The following FSHR variants were observed in gnomAD, a reference collection of about 807,000 sequenced individuals.
FSHR encodes follicle-stimulating hormone receptor.
A neutral mutation model predicts 52.1 loss-of-function variants in FSHR; 46 were observed. That is an observed-to-expected ratio of 0.88 (90% CI 0.70 to 1.13). The LOEUF is 1.13. Among genes scored for constraint, FSHR ranks in the 50% most tolerant of loss-of-function variants. The pLI is 0.00. For missense variants in FSHR, 964 were observed against 834.6 expected (o/e 1.16, Z -1.91); for synonymous variants, 399 against 309.6 (o/e 1.29, Z -3.03).
intron 2 of FSHR, among the ~76,000 whole-genome samples, chr2:49,065,494 G>C (rs1572698874): frequency 6.6e-6 from 1 of 152,068 alleles, no homozygotes; most frequent in South Asian, 2.1e-4. Flanking sequence ...GATTTTCCTT[G>C]TTTGGGAACC....
intron 2 of FSHR, among the ~76,000 whole-genome samples, chr2:49,021,831 T>TTCTCTCTCTCTCTCTC (rs1553334822): frequency 6.5e-5 from 3 of 46,506 alleles, no homozygotes; most frequent in African/African-American, 1.8e-4. Flanking sequence ...GGGTATGTGT[T>TTCTCTCTCTCTCTCTC]TCTCTCTCTC....
intron 1 of FSHR, among the ~76,000 whole-genome samples, chr2:49,085,968 G>C (rs75668303): frequency 0.14 from 21,068 of 151,040 alleles, 1,552 homozygotes; most frequent in East Asian, 0.2. Flanking sequence ...CTGTTGTGGG[G>C]GGGGGGAGTG....
chr2:48,980,546 T>C lies in FSHR; in HGVS notation c.668+2366A>G, dbSNP rs1675200596. 3.9e-5 allele frequency among the ~76,000 whole-genome samples: 6 copies of C among 152,182 alleles called. No homozygotes were observed. In the South Asian group the frequency reaches 1.2e-3, roughly 32 times the overall value. The stretch of plus-strand genomic sequence containing the variant: ...TCTGCTTGTGCAACCTCAGGAGATG[T>C]TCTTCTGTGCCACGTTTATCTAACA... On this transcript the variant is annotated intron_variant, in intron 8 of 9. Transcript: ENST00000406846.
intron 1 of FSHR, among the ~76,000 whole-genome samples, chr2:49,093,174 G>C (rs746336717): frequency 1.3e-5 from 2 of 152,128 alleles, no homozygotes; most frequent in Non-Finnish European, 2.9e-5. Context: ...AGTAATGCCG[G>C]CTTTGTAACA....
In FSHR at chr2:49,064,418, C is replaced by T. The variant is rs80221612; in HGVS notation, c.224+3801G>A. Reference sequence around the variant, plus strand: ...CTTTTGGGAGTGGGTTCTCTCTCTTCTCCTCTTCTGCCACGTAGGGACATG... The same window carrying T: ...CTTTTGGGAGTGGGTTCTCTCTCTTTTCCTCTTCTGCCACGTAGGGACATG... On this transcript the variant is annotated intron_variant, in intron 2 of 9. Transcript: ENST00000406846. Among the ~76,000 whole-genome samples the T allele has an allele frequency of 3.5e-3, 529 of 152,176 alleles. 13 individuals are homozygous for T. The East Asian group carries it at 0.059, about 17-fold the overall frequency.
chr2:49,111,909 G>T (rs1457884122), intron 1 of FSHR, among the ~76,000 whole-genome samples: 1 of 152,076 alleles, frequency 6.6e-6, no homozygotes, highest in Non-Finnish European at 1.5e-5. Flanking sequence ...TCATCCCATG[G>T]GATTCTCACA....
intron 9 of FSHR, among the ~76,000 whole-genome samples, chr2:48,965,241 C>G (rs994762902): frequency 6.6e-5 from 10 of 152,152 alleles, no homozygotes; most frequent in Non-Finnish European, 1.0e-4. Flanking sequence ...TATACAGGGA[C>G]TGAACCTTGC....
chr2:49,037,903 C>G (rs780487486), intron 2 of FSHR, among the ~76,000 whole-genome samples: 1 of 152,034 alleles, frequency 6.6e-6, no homozygotes, highest in Non-Finnish European at 1.5e-5. Context: ...TGAGGAAAGG[C>G]TGCCTCAGTT....
At chr2:49,099,448 A>G (rs539983740) in intron 1 of FSHR, among the ~76,000 whole-genome samples, 1 of 152,166 alleles carries the variant, frequency 6.6e-6, no homozygotes, top group South Asian at 2.1e-4. Flanking sequence ...TTTATAAATT[A>G]CCCAGTCTCA....
chr2:48,980,194 T>C (rs768355293), intron 8 of FSHR, among the ~76,000 whole-genome samples: 7 of 152,226 alleles, frequency 4.6e-5, no homozygotes, highest in South Asian at 2.1e-4. Flanking sequence ...AATTATAGGC[T>C]GGGCTTCCAG....
intron 2 of FSHR, among the ~76,000 whole-genome samples, chr2:49,046,034 G>T (rs772997872): frequency 6.6e-6 from 1 of 152,104 alleles, no homozygotes; most frequent in Non-Finnish European, 1.5e-5. Context: ...TCACCTACAT[G>T]ACTTCTTAGA....
intron 4 of FSHR, among the ~76,000 whole-genome samples, chr2:49,001,388 G>T (rs1666877057): frequency 1.3e-5 from 2 of 152,116 alleles, no homozygotes; most frequent in Non-Finnish European, 2.9e-5. Flanking sequence ...TGGTGATGTT[G>T]CTTCCATCAT....
In FSHR at chr2:49,041,601, A is replaced by G. The variant is rs146249093; in HGVS notation, c.225-21441T>C. Among the ~76,000 whole-genome samples the G allele has an allele frequency of 3.5e-3, 535 of 152,178 alleles. 3 individuals are homozygous for G. The highest frequency in any genetic ancestry group is 4.5e-3 in the Non-Finnish European group (309 of 68,002). On this transcript the variant is annotated intron_variant, in intron 2 of 9. Coordinates refer to ENST00000406846, the MANE Select transcript of FSHR (RefSeq NM_000145.4). ...GAGGATTTTATTTTACTATTTCTAG[A>G]TTATTCTGAGGAAGGCCCAAGATAG...
chr2:49,113,252 T>G (rs1330821765), intron 1 of FSHR, among the ~76,000 whole-genome samples: 1 of 152,162 alleles, frequency 6.6e-6, no homozygotes, highest in Non-Finnish European at 1.5e-5. Flanking sequence ...TTTAACACAT[T>G]GCTTATCTCA....
chr2:48,979,435 CA>C (rs1292374358), intron 8 of FSHR, among the ~76,000 whole-genome samples: 1 of 151,882 alleles, frequency 6.6e-6, no homozygotes, highest in Non-Finnish European at 1.5e-5. Context: ...AAAAAAACCA[CA>C]AAAACACCCC....
At chr2:49,036,781 G>A (rs547967754) in intron 2 of FSHR, among the ~76,000 whole-genome samples, 164 of 152,306 alleles carry the variant, frequency 1.1e-3, no homozygotes, top group Non-Finnish European at 1.5e-3. Context: ...CTATCACAAA[G>A]ACTAAAACAG....
rs117277174 is a variant in FSHR, at chr2:49,135,992, G to A, written c.152+18274C>T. Among the ~76,000 whole-genome samples, 140 of 151,590 alleles carry A rather than the reference G, an allele frequency of 9.2e-4. 2 individuals are homozygous for A. The East Asian group carries it at 0.023, about 25-fold the overall frequency. On this transcript the variant is annotated intron_variant, in intron 1 of 9. Transcript: ENST00000406846. Reference sequence around the variant, plus strand: ...GTGGAAGAAAATCTACATAAAAGTCGCCCCACATAGTTTAATCCATGTTGT... The same window carrying A: ...GTGGAAGAAAATCTACATAAAAGTCACCCCACATAGTTTAATCCATGTTGT...
intron 1 of FSHR, among the ~76,000 whole-genome samples, chr2:49,090,417 A>T (rs901861854): frequency 3.9e-5 from 6 of 152,148 alleles, no homozygotes; most frequent in Admixed American, 1.3e-4. Context: ...CTTGAGATTC[A>T]TCTGTTTAGT....
At chr2:49,135,497 C>G (rs1473333545) in intron 1 of FSHR, among the ~76,000 whole-genome samples, 6 of 152,012 alleles carry the variant, frequency 3.9e-5, no homozygotes. Context: ...CTATAAATAG[C>G]TGTATTTGAA....
Sources: gnomAD v4.1 joint callset for allele counts (sites outside exome capture counted in the v4.1 genomes callset) on GRCh38, gnomAD v4.1.1 for gene constraint, MANE v1.5 for transcripts, NCBI Gene and HGNC (gene_info 2026-07-23, HGNC 2026-07-21) for gene names.